Variants in LMNTD1 observed in about 807,000 individuals in gnomAD.
The protein encoded by LMNTD1 is lamin tail domain-containing protein 1.
In LMNTD1, 35 loss-of-function variants were observed where a neutral mutation model predicts 50.9. The observed-to-expected ratio is 0.69, with a 90% confidence interval of 0.53 to 0.91. The LOEUF is 0.91. Among genes scored for constraint, LMNTD1 ranks in the 40% least tolerant of loss-of-function variants. The pLI is 0.00. For synonymous variants in LMNTD1, 153 were observed against 161.9 expected (o/e 0.94, Z 0.42); for missense variants, 470 against 475.5 (o/e 0.99, Z 0.11).
intron 1 of LMNTD1, among the ~76,000 whole-genome samples, chr12:25,586,376 T>C (rs1049903294): frequency 4.6e-5 from 7 of 152,132 alleles, no homozygotes; most frequent in Non-Finnish European, 1.0e-4. Context: ...TCACCAACAC[T>C]ACCTTCATGC....
chr12:25,576,397 A>G (rs566170897), intron 1 of LMNTD1, among the ~76,000 whole-genome samples: 1 of 152,252 alleles, frequency 6.6e-6, no homozygotes, highest in East Asian at 1.9e-4. Context: ...CTGGTGTGAG[A>G]TGGTATCTCA....
chr12:25,591,809 A>AAGAGAGAG, intron 1 of LMNTD1, among the ~76,000 whole-genome samples: 1 of 34,592 alleles, frequency 2.9e-5, no homozygotes, highest in Admixed American at 3.1e-4. Context: ...AATAGCTCAG[A>AAGAGAGAG]ACAGAGAGAG....
rs78020170 is a variant in LMNTD1, at chr12:25,611,287, G to A, written c.58+37207C>T. On this transcript the variant is annotated intron_variant, in intron 1 of 7. Coordinates refer to the LMNTD1 transcript ENST00000445693. Reference sequence around the variant, plus strand: ...TAGATCATGAGGGCAAGGAGACCACGAAGATAAATAATTTTTAAAAACATT... The same window carrying A: ...TAGATCATGAGGGCAAGGAGACCACAAAGATAAATAATTTTTAAAAACATT... Among the ~76,000 whole-genome samples, 1,494 of 152,296 alleles carry A rather than the reference G, an allele frequency of 9.8e-3. 38 individuals carry two copies. Among genetic ancestry groups the A allele is most frequent in the African/African-American group, 0.034 (1,422 of 41,556 alleles).
At chr12:25,575,122 C>A (rs1184408008) in intron 1 of LMNTD1, among the ~76,000 whole-genome samples, 3 of 152,022 alleles carry the variant, frequency 2.0e-5, no homozygotes, top group African/African-American at 2.4e-5. Context: ...CTATAAGATG[C>A]ACCATTATTC....
intron 1 of LMNTD1, among the ~76,000 whole-genome samples, chr12:25,566,779 T>G (rs1480957798): frequency 6.6e-6 from 1 of 152,204 alleles, no homozygotes; most frequent in Admixed American, 6.5e-5. Context: ...TGTTTGATGA[T>G]AGCAACGGGC....
At chr12:25,598,600 G>A (rs540875624) in intron 1 of LMNTD1, among the ~76,000 whole-genome samples, 37 of 151,520 alleles carry the variant, frequency 2.4e-4, no homozygotes, top group Admixed American at 5.3e-4. Flanking sequence ...AAATTGACAC[G>A]CTTTTAACCA....
At chr12:25,605,649 T>C (rs1299716235) in intron 1 of LMNTD1, among the ~76,000 whole-genome samples, 2 of 152,214 alleles carry the variant, frequency 1.3e-5, no homozygotes, top group African/African-American at 2.4e-5. Flanking sequence ...GATCAGATAG[T>C]TGTAGATATG....
chr12:25,501,056 C>T (rs1315410764), intron 9 of LMNTD1, among the ~76,000 whole-genome samples: 1 of 152,188 alleles, frequency 6.6e-6, no homozygotes, highest in African/African-American at 2.4e-5. Context: ...GTGGTGCAAT[C>T]TCAGCTCACT....
intron 1 of LMNTD1, among the ~76,000 whole-genome samples, chr12:25,640,005 T>A (rs1433656295): frequency 6.6e-6 from 1 of 152,172 alleles, no homozygotes; most frequent in Non-Finnish European, 1.5e-5. Context: ...ACCACATGGA[T>A]GAACCTTGAA....
intron 1 of LMNTD1, among the ~76,000 whole-genome samples, chr12:25,608,555 T>A (rs971951636): frequency 2.6e-5 from 4 of 152,210 alleles, no homozygotes; most frequent in African/African-American, 9.7e-5. Flanking sequence ...CCGCATTTGC[T>A]TGTCTGTAAA....
chr12:25,621,969 G>A (rs1946481302), intron 1 of LMNTD1, among the ~76,000 whole-genome samples: 1 of 152,232 alleles, frequency 6.6e-6, no homozygotes, highest in Non-Finnish European at 1.5e-5. Flanking sequence ...AGTTACTGTA[G>A]TATTCTGAGC....
intron 1 of LMNTD1, among the ~76,000 whole-genome samples, chr12:25,608,052 CTCT>C (rs1946154665): frequency 6.6e-6 from 1 of 152,090 alleles, no homozygotes; most frequent in Admixed American, 6.6e-5. Flanking sequence ...GGATAGTTAG[CTCT>C]TCTTGTTGAA....
At chr12:25,484,638 A>G (rs1175028620) in intron 9 of LMNTD1, among the ~76,000 whole-genome samples, 5 of 139,958 alleles carry the variant, frequency 3.6e-5, no homozygotes, top group Admixed American at 2.1e-4. Flanking sequence ...ATATCTCCCA[A>G]TGCTATCCCT....
intron 8 of LMNTD1, among the ~76,000 whole-genome samples, chr12:25,517,066 T>C (rs188135657): frequency 0.012 from 881 of 73,186 alleles, 88 homozygotes; most frequent in Middle Eastern, 0.031. Context: ...CAACAGGTGC[T>C]GGAGAGGATG....
At chr12:25,478,789 G>GA (rs1338621306) in intron 9 of LMNTD1, among the ~76,000 whole-genome samples, 4 of 150,148 alleles carry the variant, frequency 2.7e-5, no homozygotes, top group Non-Finnish European at 4.4e-5. Flanking sequence ...TCTGTCTCAA[G>GA]AAAAAAAAAG....
intron 8 of LMNTD1, among the ~76,000 whole-genome samples, chr12:25,510,064 AC>A (rs1323725873): frequency 5.9e-5 from 9 of 152,190 alleles, no homozygotes; most frequent in Non-Finnish European, 5.9e-5. Flanking sequence ...TAAATTTAAA[AC>A]CCTGTAAGAC....
rs113930438 is a variant in LMNTD1, at chr12:25,508,859, C to T, written c.1190-5059G>A. Among the ~76,000 whole-genome samples, 1,130 of 152,106 alleles carry T rather than the reference C, an allele frequency of 7.4e-3. 13 individuals carry two copies. Among genetic ancestry groups the T allele is most frequent in the African/African-American group, 0.025 (1,056 of 41,482 alleles). On this transcript the variant is annotated intron_variant, in intron 8 of 9. Coordinates refer to ENST00000458174, the MANE Select transcript of LMNTD1 (RefSeq NM_001145728.2). ...CTTTAGGAGTTTTGCAAATATCATT[C>T]GTCAGATTAAGAAAATTCTTTCTAG...
chr12:25,518,495 T>G (rs911271770), intron 8 of LMNTD1, among the ~76,000 whole-genome samples: 1 of 65,606 alleles, frequency 1.5e-5, no homozygotes, highest in Non-Finnish European at 4.6e-5. Flanking sequence ...AAACAAAAAG[T>G]GTTTTTTCAT....
intron 3 of LMNTD1, 54 bp downstream of exon 3, chr12:25,549,272 T>C (rs374562785): frequency 3.8e-5 from 37 of 964,654 alleles, no homozygotes; most frequent in African/African-American, 3.3e-4. Context: ...TGCAATCTAT[T>C]GAAATATAAG....
Sources: gnomAD v4.1 joint callset for allele counts (sites outside exome capture counted in the v4.1 genomes callset) on GRCh38, gnomAD v4.1.1 for gene constraint, MANE v1.5 for transcripts, NCBI Gene and HGNC (gene_info 2026-07-23, HGNC 2026-07-21) for gene names.